Variants in PPM1H observed in about 807,000 individuals in gnomAD.
The protein encoded by PPM1H is protein phosphatase, Mg2+/Mn2+ dependent 1H, also known as protein phosphatase 1H.
A neutral mutation model predicts 54.9 loss-of-function variants in PPM1H; 27 were observed. That is an observed-to-expected ratio of 0.49 (90% confidence interval 0.36 to 0.68). PPM1H has a LOEUF of 0.68. Ranked by LOEUF, PPM1H falls within the 30% of genes least tolerant of loss-of-function variation. The pLI, the probability that PPM1H is intolerant of heterozygous loss-of-function variation, is 0.00. For synonymous variants in PPM1H, 305 were observed against 270.8 expected (o/e 1.13, Z -1.24); for missense variants, 596 against 667.8 (o/e 0.89, Z 1.19).
chr12:62,769,774 A>G (rs960477971), intron 4 of PPM1H, among the ~76,000 whole-genome samples: 2 of 152,004 alleles, frequency 1.3e-5, no homozygotes, highest in Non-Finnish European at 2.9e-5. Context: ...AAAACATGGA[A>G]TCACAGAAAC....
chr12:62,832,109 C>T lies in PPM1H; in HGVS notation c.411+5G>A. On this transcript the variant is annotated splice_donor_5th_base_variant and intron_variant, in intron 2 of 9. Coordinates refer to ENST00000228705, the MANE Select transcript of PPM1H (RefSeq NM_020700.2). ...CTGAGAACCAAGGATCGAGAAGGGT[C>T]TTACCGAGTTCTCCTTCAGCTGCAG... 1 of 1,613,482 alleles carries T rather than the reference C, an allele frequency of 6.2e-7. No individual in the cohort carries two copies. The highest frequency in any genetic ancestry group is 8.5e-7 in the Non-Finnish European group (1 of 1,179,524).
At position 62,903,087 on chromosome 12, in the gene PPM1H, C is replaced by T. The variant is rs530405454; in HGVS notation, c.245+31405G>A. Among the ~76,000 whole-genome samples the T allele has an allele frequency of 7.2e-4, 109 of 152,162 alleles. 2 individuals are homozygous for T. The highest frequency in any genetic ancestry group is 2.4e-3 in the African/African-American group (99 of 41,512). Reference sequence around the variant, plus strand: ...ACAACTCACTATGTGAGTTGTCACCCCCTCCTGAGACACATGGACAGAAAA... The same window carrying T: ...ACAACTCACTATGTGAGTTGTCACCTCCTCCTGAGACACATGGACAGAAAA... On this transcript the variant is annotated intron_variant, in intron 1 of 9. Transcript: ENST00000228705.
intron 1 of PPM1H, among the ~76,000 whole-genome samples, chr12:62,907,867 C>G (rs993960862): frequency 2.0e-5 from 3 of 152,176 alleles, no homozygotes; most frequent in Admixed American, 6.5e-5. Flanking sequence ...CCCTTCTCCC[C>G]CTCATGGCTG....
chr12:62,691,657 C>G (rs1203800650), intron 7 of PPM1H, among the ~76,000 whole-genome samples: 3 of 151,934 alleles, frequency 2.0e-5, no homozygotes, highest in African/African-American at 4.8e-5. Context: ...AACCTCCTGA[C>G]TACAAAAAAT....
At position 62,934,532 on chromosome 12, in the gene PPM1H, T is replaced by C. The variant is rs1186177246; in HGVS notation, c.205A>G (p.Lys69Glu). ...GCCCAGGGCAGCCGCCGAGTCTCCT[T>C]GAGGATGAGGATGGGGCGGGCGATG... ...DHIARPILIL[K>E]ETRRLPWATG... Residue 69 changes from lysine to glutamate, a missense_variant, in exon 1 of 10, where the codon AAG (lysine) becomes GAG (glutamate). Lys to Glu is a moderately conservative substitution (Grantham distance 56, BLOSUM62 1). Coordinates refer to ENST00000228705, the MANE Select transcript of PPM1H (RefSeq NM_020700.2). This position sits in a 1 kb window ranked among gnomAD's most constrained non-coding sequence, Gnocchi z 4.2. The C allele has an allele frequency of 1.3e-6, 2 of 1,551,624 alleles. No homozygotes were observed. Among genetic ancestry groups the C allele is most frequent in the Middle Eastern group, 1.7e-4 (1 of 5,820 alleles).
At chr12:62,834,529 C>T (rs1868443512) in intron 1 of PPM1H, among the ~76,000 whole-genome samples, 1 of 152,148 alleles carries the variant, frequency 6.6e-6, no homozygotes, top group Admixed American at 6.6e-5. Flanking sequence ...TTGAGCTGGA[C>T]TGTGGGGAAG....
intron 1 of PPM1H, chr12:62,840,100 A>C (rs190917148): frequency 6.7e-6 from 1 of 149,476 alleles, no homozygotes; most frequent in Admixed American, 6.6e-5. Flanking sequence ...AGAAATAAAA[A>C]ACAAAAACAC....
chr12:62,888,462 C>G (rs1471658872), intron 1 of PPM1H, among the ~76,000 whole-genome samples: 1 of 152,028 alleles, frequency 6.6e-6, no homozygotes. Context: ...GAAACAAGCC[C>G]TGGTTGTTCA....
At chr12:62,695,910 G>A (rs745370908) in intron 6 of PPM1H, among the ~76,000 whole-genome samples, 3 of 152,142 alleles carry the variant, frequency 2.0e-5, no homozygotes, top group East Asian at 1.9e-4. Context: ...AGACAGGCCC[G>A]CACAGAGAGG....
At chr12:62,926,252 T>A (rs1237957367) in intron 1 of PPM1H, among the ~76,000 whole-genome samples, 1 of 152,210 alleles carries the variant, frequency 6.6e-6, no homozygotes, top group Non-Finnish European at 1.5e-5. Flanking sequence ...TAGTTCAGGG[T>A]TCCAGTCCCT....
intron 7 of PPM1H, among the ~76,000 whole-genome samples, chr12:62,692,782 G>C (rs998851392): frequency 1.3e-5 from 2 of 152,066 alleles, no homozygotes; most frequent in African/African-American, 4.8e-5. Context: ...TCATGAATGG[G>C]GTATGTTCGT....
At chr12:62,878,515 A>G (rs1240594179) in intron 1 of PPM1H, among the ~76,000 whole-genome samples, 2 of 151,158 alleles carry the variant, frequency 1.3e-5, no homozygotes, top group African/African-American at 4.9e-5. Context: ...TCTGGTTTTT[A>G]AAGTGTGTTT....
chr12:62,738,426 A>G lies in PPM1H; in HGVS notation c.870-840T>C, dbSNP rs547454245. Among the ~76,000 whole-genome samples, 134 of 152,242 alleles carry G rather than the reference A, an allele frequency of 8.8e-4. 1 individual carries two copies. Among genetic ancestry groups the G allele is most frequent in the Admixed American group, 2.2e-3 (34 of 15,288 alleles). ...GAAACTCATACACTCCAAAAAGTGT[A>G]TCTAAGAGCTATTGCCCAGTCAAGG... is the stretch of plus-strand genomic sequence containing the variant. On this transcript the variant is annotated intron_variant, in intron 4 of 9. Transcript: ENST00000228705.
chr12:62,655,210 C>T (rs1002244082), intron 9 of PPM1H, among the ~76,000 whole-genome samples: 2 of 152,212 alleles, frequency 1.3e-5, no homozygotes, highest in Non-Finnish European at 2.9e-5. Context: ...GGACTCAGCT[C>T]TTGGGAGAAG....
intron 6 of PPM1H, among the ~76,000 whole-genome samples, chr12:62,712,120 G>C (rs1206665826): frequency 6.6e-6 from 1 of 152,244 alleles, no homozygotes; most frequent in African/African-American, 2.4e-5. Context: ...CCCTCCCCAT[G>C]TGGGGCTGAC....
At chr12:62,814,972 T>A (rs2076857052) in intron 2 of PPM1H, among the ~76,000 whole-genome samples, 1 of 152,226 alleles carries the variant, frequency 6.6e-6, no homozygotes, top group Non-Finnish European at 1.5e-5. Context: ...GTCCAGAGTA[T>A]CTGCTATAGG....
chr12:62,900,035 C>T (rs1188034459), intron 1 of PPM1H, among the ~76,000 whole-genome samples: 1 of 152,190 alleles, frequency 6.6e-6, no homozygotes, highest in Non-Finnish European at 1.5e-5. Flanking sequence ...CATGCCAGCA[C>T]CCTGATCACA....
chr12:62,872,832 A>G (rs775234877), intron 1 of PPM1H, among the ~76,000 whole-genome samples: 8 of 152,236 alleles, frequency 5.3e-5, no homozygotes, highest in Admixed American at 1.3e-4. Flanking sequence ...AAATTTATAT[A>G]TAAAGTATGT....
chr12:62,667,371 C>A (rs2075925372), intron 8 of PPM1H, 42 bp from the exon 9 acceptor site: 1 of 1,463,492 alleles, frequency 6.8e-7, no homozygotes, highest in Non-Finnish European at 9.2e-7. Flanking sequence ...AAATTGGAAG[C>A]ATATTATTCT....
Sources: allele counts gnomAD v4.1 joint callset (sites outside exome capture counted in the v4.1 genomes callset), GRCh38; gene constraint gnomAD v4.1.1; non-coding constraint Gnocchi (gnomAD v3.1); transcripts MANE v1.5; gene names NCBI Gene and HGNC (gene_info 2026-07-23, HGNC 2026-07-21).